CIB1: variants seen among roughly 807,000 people sequenced by gnomAD.
CIB1 encodes the protein calcium and integrin-binding protein 1.
CIB1 carries 19 observed loss-of-function variants against 25.0 expected under a neutral mutation model. The observed-to-expected ratio is 0.76, with a 90% confidence interval of 0.53 to 1.12. The LOEUF (loss-of-function observed/expected upper bound fraction) is 1.12, where lower values mean the gene tolerates loss of function less well. CIB1 is among the 50% of genes most tolerant of loss of function. The pLI, the probability that CIB1 is intolerant of heterozygous loss-of-function variation, is 0.00. For missense variants in CIB1, 236 were observed against 242.6 expected (o/e 0.97, Z 0.18); for synonymous variants, 104 against 98.5 (o/e 1.06, Z -0.33).
At chr15:90,263,347 G>C in the CIB1 span, 1 of 541,178 alleles carries the variant, frequency 1.8e-6, no homozygotes, top group Admixed American at 3.5e-5. Flanking sequence ...TTTTAGATAT[G>C]ACATCCAGCA....
the CIB1 span, among the ~76,000 whole-genome samples, chr15:90,260,448 G>A: frequency 6.6e-6 from 1 of 152,208 alleles, no homozygotes. Context: ...AGCGAACTGA[G>A]ACTGCATCAC....
chr15:90,257,528 C>T, the CIB1 span: 1 of 1,090,106 alleles, frequency 9.2e-7, no homozygotes, highest in South Asian at 1.5e-5. Flanking sequence ...TGGAGAGAGA[C>T]AGGAGACGAG....
chr15:90,244,461 AAG>A, the CIB1 span: 6 of 152,164 alleles, frequency 3.9e-5, no homozygotes. Flanking sequence ...ACACTATTCT[AAG>A]AGAGTATGTG....
At position 90,231,468 on chromosome 15, in the gene CIB1, TGGA is replaced by T. The variant is rs769409462; in HGVS notation, c.232_234del (p.Ser78del). 3.1e-6 allele frequency: 5 copies of T among 1,614,204 alleles called. No homozygotes were observed. Among genetic ancestry groups the T allele is most frequent in the Non-Finnish European group, 3.4e-6 (4 of 1,180,026 alleles). ...CTAAGGCTGTCTTTGGCTGGGGATG[TGGA>T]GAAGACCCTGCAGATTCGCTCCTTG... is the stretch of plus-strand genomic sequence containing the variant. On this transcript the variant is annotated inframe_deletion, in exon 4 of 7. Coordinates refer to ENST00000328649, the MANE Select transcript of CIB1 (RefSeq NM_006384.4).
chr15:90,246,787 C>CAAAAAAAAAAAAAAAAAAAAAAAAAAA, the CIB1 span, among the ~76,000 whole-genome samples: 2 of 45,202 alleles, frequency 4.4e-5, no homozygotes, highest in African/African-American at 7.6e-5. Flanking sequence ...GACTCTGTCT[C>CAAAAAAAAAAAAAAAAAAAAAAAAAAA]AAAAAAAAAA....
the CIB1 span, chr15:90,242,253 C>CT: frequency 2.4e-3 from 215 of 89,248 alleles, no homozygotes; most frequent in South Asian, 3.6e-3. Flanking sequence ...ACACACCTGG[C>CT]TTTTTTTTTT....
chr15:90,252,584 C>T, the CIB1 span, among the ~76,000 whole-genome samples: 5 of 152,172 alleles, frequency 3.3e-5, no homozygotes, highest in Admixed American at 2.0e-4. Flanking sequence ...CCAGCTAGGT[C>T]CTTCCCCTAA....
At chr15:90,257,485 T>C in the CIB1 span, 1 of 954,380 alleles carries the variant, frequency 1.0e-6, no homozygotes. Context: ...CACACACTCT[T>C]CCCCAGGATC....
the CIB1 span, chr15:90,262,179 A>G: frequency 6.5e-7 from 1 of 1,534,258 alleles, no homozygotes; most frequent in Non-Finnish European, 8.7e-7. Context: ...AAGGCCAGAG[A>G]GGAGTGTGCC....
the CIB1 span, chr15:90,263,978 C>T: frequency 2.0e-6 from 3 of 1,535,912 alleles, no homozygotes; most frequent in African/African-American, 4.1e-5. Flanking sequence ...GGAGAGCCGG[C>T]AGCCATCAAC....
chr15:90,256,377 A>C, the CIB1 span: 1 of 1,579,266 alleles, frequency 6.3e-7, no homozygotes, highest in Non-Finnish European at 8.7e-7. Flanking sequence ...GCCAGGGAGG[A>C]AGCTGGTCTT....
At chr15:90,239,746 T>C in the CIB1 span, among the ~76,000 whole-genome samples, 3,691 of 152,338 alleles carry the variant, frequency 0.024, 142 homozygotes, top group African/African-American at 0.08. Context: ...TTCACTCTTA[T>C]TGTCCAGGCT....
chr15:90,234,099 C>G, upstream of CIB1: 2 of 318,920 alleles, frequency 6.3e-6, no homozygotes, highest in Non-Finnish European at 5.5e-6. Flanking sequence ...GAGCTGGAGG[C>G]GGGGCCCGGG....
At chr15:90,262,518 A>C in the CIB1 span, 2 of 1,517,194 alleles carry the variant, frequency 1.3e-6, no homozygotes, top group Admixed American at 2.2e-5. Context: ...ATCCGCCTTA[A>C]GCAGGAACAG....
the CIB1 span, among the ~76,000 whole-genome samples, chr15:90,247,272 C>CT: frequency 2.0e-5 from 3 of 147,306 alleles, no homozygotes; most frequent in South Asian, 2.1e-4. Flanking sequence ...CCACACTGGC[C>CT]TTTTTTTTCT....
chr15:90,233,528 G>A, intron 2 of CIB1, 141 bp downstream of exon 2: 1 of 1,115,526 alleles, frequency 9.0e-7, no homozygotes, highest in Non-Finnish European at 1.3e-6. Context: ...GGAGGGCGCA[G>A]CCCGGGCTAG....
At chr15:90,258,696 T>C in the CIB1 span, 2 of 1,532,190 alleles carry the variant, frequency 1.3e-6, no homozygotes, top group East Asian at 4.5e-5. Flanking sequence ...GGCCACCACC[T>C]GCTCAGGTGG....
At chr15:90,253,266 A>G in the CIB1 span, 6 of 1,613,834 alleles carry the variant, frequency 3.7e-6, no homozygotes, top group Admixed American at 5.0e-5. Context: ...GGCAGCCCAA[A>G]TGTGTGGCCT....
chr15:90,246,605 A>G, the CIB1 span, among the ~76,000 whole-genome samples: 1 of 93,070 alleles, frequency 1.1e-5, no homozygotes, highest in Non-Finnish European at 2.1e-5. Context: ...CCTGACCAAC[A>G]TGGTGAAACC....
Sources: gnomAD v4.1 joint callset for allele counts (sites outside exome capture counted in the v4.1 genomes callset) on GRCh38, gnomAD v4.1.1 for gene constraint, MANE v1.5 for transcripts, NCBI Gene and HGNC (gene_info 2026-07-23, HGNC 2026-07-21) for gene names.